The following PCCA variants were observed in gnomAD, a reference collection of about 807,000 sequenced individuals.
PCCA encodes propionyl-CoA carboxylase alpha chain, mitochondrial.
PCCA carries 74 observed loss-of-function variants against 101.3 expected under a neutral mutation model. The observed-to-expected ratio is 0.73, with a 90% CI of 0.61 to 0.89. PCCA has a LOEUF of 0.89. PCCA is among the 40% of genes least tolerant of loss of function. The probability of loss-of-function intolerance (pLI) is 0.00; values close to 1 mark genes in which losing one functional copy is unlikely to be tolerated. For missense variants in PCCA, 891 were observed against 907.0 expected (o/e 0.98, Z 0.23); for synonymous variants, 294 against 313.6 (o/e 0.94, Z 0.66).
intron 19 of PCCA, among the ~76,000 whole-genome samples, chr13:100,378,637 A>T (rs80351773): frequency 7.2e-5 from 11 of 152,102 alleles, no homozygotes; most frequent in South Asian, 2.1e-4. Flanking sequence ...TTACTGAAAA[A>T]TTTTTTTGTG....
intron 19 of PCCA, among the ~76,000 whole-genome samples, chr13:100,392,318 A>G (rs1454030230): frequency 6.6e-6 from 1 of 152,242 alleles, no homozygotes; most frequent in African/African-American, 2.4e-5. Flanking sequence ...TCTCCAAAAA[A>G]TACAGGCAGA....
chr13:100,433,465 C>CT (rs1388843622), intron 20 of PCCA, among the ~76,000 whole-genome samples: 4 of 151,866 alleles, frequency 2.6e-5, no homozygotes, highest in African/African-American at 9.7e-5. Flanking sequence ...ACAAGTGGCA[C>CT]TTTTTTCAGT....
In PCCA at chr13:100,301,339, A is replaced by G. The variant is rs550212499; in HGVS notation, c.1066-121A>G. The stretch of plus-strand genomic sequence containing the variant: ...TAGCTCAAGAGTTTTTTAGTCAAAT[A>G]TGTTCAAATGTTACATTCGATTAAC... On this transcript the variant is annotated intron_variant, in intron 12 of 23. Coordinates refer to ENST00000376285, the MANE Select transcript of PCCA (RefSeq NM_000282.4). 4.5e-5 allele frequency: 46 copies of G among 1,022,384 alleles called. No individual in the cohort carries two copies. In the Admixed American group the frequency reaches 5.0e-4, roughly 11 times the overall value. 63.3% of individuals were successfully genotyped at this position (1,022,384 alleles called of 1,614,324 possible).
chr13:100,467,239 G>C (rs1486956806), intron 21 of PCCA, among the ~76,000 whole-genome samples: 1 of 152,172 alleles, frequency 6.6e-6, no homozygotes, highest in Non-Finnish European at 1.5e-5. Flanking sequence ...CTGTTGGGTG[G>C]AGAGCAATTT....
At position 100,301,595 on chromosome 13, in the gene PCCA, T is replaced by C; in HGVS notation, c.1201T>C (p.Tyr401His). 2 of 1,614,032 alleles carry C rather than the reference T, an allele frequency of 1.2e-6. No individual in the cohort carries two copies. Among genetic ancestry groups the C allele is most frequent in the Non-Finnish European group, 1.7e-6 (2 of 1,179,938 alleles). Residue 401 changes from tyrosine to histidine, a missense_variant, in exon 13 of 24, where the codon TAT becomes CAT. Coordinates refer to ENST00000376285, the MANE Select transcript of PCCA (RefSeq NM_000282.4). ...CGGCTGGGCAGTTGAATGTCGGGTT[T>C]ATGCTGAGGTAAAATGAATGGTGTT... ...INGWAVECRV[Y>H]AEDPYKSFGL...
chr13:100,226,867 C>T (rs1463920939), intron 7 of PCCA, among the ~76,000 whole-genome samples: 1 of 152,162 alleles, frequency 6.6e-6, no homozygotes, highest in Non-Finnish European at 1.5e-5. Context: ...ATTTCATCTT[C>T]TTAATAACCC....
intron 19 of PCCA, among the ~76,000 whole-genome samples, chr13:100,373,014 G>T (rs954101654): frequency 5.3e-5 from 8 of 152,208 alleles, no homozygotes; most frequent in Non-Finnish European, 2.9e-5. Flanking sequence ...AAAGTGCTGG[G>T]ATTACGGGTG....
At chr13:100,529,165 G>A (rs2088148357) in intron 23 of PCCA, among the ~76,000 whole-genome samples, 1 of 152,130 alleles carries the variant, frequency 6.6e-6, no homozygotes. Context: ...CCCGTGCAAA[G>A]TAGCAGGCCC....
chr13:100,463,043 G>T (rs2082274853), intron 21 of PCCA, among the ~76,000 whole-genome samples: 1 of 152,180 alleles, frequency 6.6e-6, no homozygotes, highest in Non-Finnish European at 1.5e-5. Flanking sequence ...GGAGATAGCA[G>T]GTTGTAGAAA....
At chr13:100,269,453 G>C (rs2063161565) in intron 11 of PCCA, among the ~76,000 whole-genome samples, 1 of 152,130 alleles carries the variant, frequency 6.6e-6, no homozygotes, top group African/African-American at 2.4e-5. Flanking sequence ...AGTTGGTCCT[G>C]AATTTATCCT....
intron 7 of PCCA, among the ~76,000 whole-genome samples, chr13:100,211,355 T>C (rs985285281): frequency 1.4e-4 from 21 of 152,210 alleles, no homozygotes; most frequent in Non-Finnish European, 2.5e-4. Context: ...AATCTTTTCT[T>C]GCCGTCTAGC....
At chr13:100,163,048 G>A (rs112837603) in intron 6 of PCCA, among the ~76,000 whole-genome samples, 6 of 152,218 alleles carry the variant, frequency 3.9e-5, no homozygotes, top group African/African-American at 1.4e-4. Context: ...AATGCGATGT[G>A]GAATACTAAA....
intron 16 of PCCA, among the ~76,000 whole-genome samples, chr13:100,326,405 C>T (rs191118163): frequency 2.6e-5 from 4 of 152,226 alleles, no homozygotes; most frequent in East Asian, 1.9e-4. Context: ...TCAGACAATG[C>T]GGCAGAAGGA....
chr13:100,340,119 ATGAT>A lies in PCCA; in HGVS notation c.1541-23_1541-20del, dbSNP rs748498827. On this transcript the variant is annotated intron_variant, in intron 17 of 23. Coordinates refer to ENST00000376285, the MANE Select transcript of PCCA (RefSeq NM_000282.4). ...GAGAGAAGCACAGATGTTAAAATAAATGATTGATTGATTGATTGGTTGATTGATT... is the reference window on the plus strand; with the variant it reads ...GAGAGAAGCACAGATGTTAAAATAAATGATTGATTGATTGGTTGATTGATT... 75 of 1,072,804 alleles carry A rather than the reference ATGAT, an allele frequency of 7.0e-5. No homozygotes were observed. Among genetic ancestry groups the A allele is most frequent in the South Asian group, 5.6e-4 (45 of 80,334 alleles). 66.5% of individuals were successfully genotyped at this position (1,072,804 alleles called of 1,614,324 possible).
chr13:100,422,060 TTC>T (rs201822711), intron 19 of PCCA, among the ~76,000 whole-genome samples: 2 of 45,688 alleles, frequency 4.4e-5, no homozygotes, highest in African/African-American at 7.9e-5. Context: ...TCCTTTTCTC[TTC>T]TCTTTTCTTT....
chr13:100,093,982 A>G (rs1172302281), intron 1 of PCCA, among the ~76,000 whole-genome samples: 2 of 152,072 alleles, frequency 1.3e-5, no homozygotes. Flanking sequence ...TAATCCCAGC[A>G]CTTTGGGAGG....
chr13:100,190,060 A>C (rs2057630466), intron 6 of PCCA, among the ~76,000 whole-genome samples: 1 of 152,188 alleles, frequency 6.6e-6, no homozygotes, highest in African/African-American at 2.4e-5. Flanking sequence ...ATTTCTTGGC[A>C]GGTCTTAACT....
At chr13:100,161,393 A>T (rs2054460141) in intron 6 of PCCA, 1 of 152,224 alleles carries the variant, frequency 6.6e-6, no homozygotes, top group Non-Finnish European at 1.5e-5. Context: ...GTTCATGGTA[A>T]GGTGTTTCAT....
chr13:100,124,866 G>A (rs1444592044), intron 4 of PCCA, among the ~76,000 whole-genome samples: 3 of 152,042 alleles, frequency 2.0e-5, no homozygotes, highest in East Asian at 1.9e-4. Flanking sequence ...TACCTTAGAT[G>A]TATATAGAGA....
Sources: allele counts gnomAD v4.1 joint callset (sites outside exome capture counted in the v4.1 genomes callset), GRCh38; gene constraint gnomAD v4.1.1; transcripts MANE v1.5; gene names NCBI Gene and HGNC (gene_info 2026-07-23, HGNC 2026-07-21).